RMND1: variants seen among roughly 807,000 people sequenced by gnomAD.
RMND1 encodes required for meiotic nuclear division protein 1 homolog.
In RMND1, 41 loss-of-function variants were observed where a neutral mutation model predicts 54.0. The observed-to-expected ratio is 0.76, with a 90% CI of 0.59 to 0.98. The LOEUF (loss-of-function observed/expected upper bound fraction) is 0.98, where lower values mean the gene tolerates loss of function less well. RMND1 is among the 50% of genes least tolerant of loss of function. RMND1 has a pLI of 0.00. For synonymous variants in RMND1, 183 were observed against 181.7 expected (o/e 1.01, Z -0.06); for missense variants, 457 against 532.0 (o/e 0.86, Z 1.39).
chr6:151,405,300 G>A (rs780818591), intron 11 of RMND1, 33 bp from the exon 12 acceptor site: 15 of 1,597,392 alleles, frequency 9.4e-6, no homozygotes, highest in Middle Eastern at 3.3e-4. Flanking sequence ...ATTTCATGAC[G>A]GGCAAATTAT....
chr6:151,429,276 C>T (rs893114556), intron 5 of RMND1, among the ~76,000 whole-genome samples: 27 of 152,164 alleles, frequency 1.8e-4, no homozygotes, highest in African/African-American at 5.3e-4. Context: ...TGTGCACCAC[C>T]ACGCCCAGCT....
intron 2 of RMND1, among the ~76,000 whole-genome samples, chr6:151,441,354 A>G (rs533631455): frequency 2.6e-5 from 4 of 152,132 alleles, no homozygotes; most frequent in African/African-American, 9.7e-5. Context: ...TCTAAGTGAC[A>G]GGGGCATTTT....
chr6:151,436,112 C>CAAAAAAA (rs67339992), intron 3 of RMND1: 1 of 172,490 alleles, frequency 5.8e-6, no homozygotes, highest in Non-Finnish European at 1.2e-5. Flanking sequence ...TCCCAAAAAA[C>CAAAAAAA]AAAAAAAAAA....
chr6:151,445,968 G>T lies in RMND1; in HGVS notation c.-14-143C>A, dbSNP rs1474811272. 11 of 771,816 alleles carry T rather than the reference G, an allele frequency of 1.4e-5. No homozygotes were observed. The East Asian group carries it at 2.7e-4, about 19-fold the overall frequency. The allele number at this position is 771,816 out of a possible 1,614,324, so 47.8% of individuals were successfully genotyped here. A position where few individuals can be genotyped will look rare whatever the true frequency, so the allele number is the denominator to read the frequency against. On this transcript the variant is annotated intron_variant, in intron 1 of 11. Transcript: ENST00000444024. ...AAGTTAATTCTAGTAAAAGAACAAGGTTAAAAATATAAGTACAGTGTTTCT... is the reference window on the plus strand; with the variant it reads ...AAGTTAATTCTAGTAAAAGAACAAGTTTAAAAATATAAGTACAGTGTTTCT...
chr6:151,425,946 CTTT>C (rs67910450), intron 6 of RMND1, among the ~76,000 whole-genome samples: 5 of 137,674 alleles, frequency 3.6e-5, no homozygotes, highest in Non-Finnish European at 4.6e-5. Context: ...GCTTTTAACG[CTTT>C]TTTTTTTTTT....
intron 8 of RMND1, among the ~76,000 whole-genome samples, chr6:151,422,003 GT>G (rs923649441): frequency 2.6e-5 from 4 of 151,870 alleles, no homozygotes; most frequent in African/African-American, 7.3e-5. Context: ...ACAATTTGAA[GT>G]TTTAAAAAGT....
chr6:151,448,688 T>C (rs1232107483), intron 1 of RMND1, among the ~76,000 whole-genome samples: 1 of 152,194 alleles, frequency 6.6e-6, no homozygotes, highest in African/African-American at 2.4e-5. Flanking sequence ...CCTGATTCTG[T>C]TTTGGGCCCC....
chr6:151,420,313 T>C (rs563905830), intron 9 of RMND1, among the ~76,000 whole-genome samples: 1 of 152,326 alleles, frequency 6.6e-6, no homozygotes, highest in South Asian at 2.1e-4. Context: ...CTATAGGTCC[T>C]GAGCTATGAG....
chr6:151,412,902 TC>T (rs1447998310), intron 10 of RMND1, among the ~76,000 whole-genome samples: 1 of 152,088 alleles, frequency 6.6e-6, no homozygotes, highest in Non-Finnish European at 1.5e-5. Flanking sequence ...ACCCTGATGA[TC>T]CAGTCACCCC....
intron 2 of RMND1, 56 bp downstream of exon 2, chr6:151,445,252 G>A: frequency 6.5e-7 from 1 of 1,544,762 alleles, no homozygotes; most frequent in Non-Finnish European, 8.7e-7. Context: ...AACGCACACT[G>A]GTTTAGCATG....
rs1780669591 is a variant in RMND1 at position 151,438,256 on chromosome 6, G to A, written c.505-1702C>T. Among the ~76,000 whole-genome samples the A allele has an allele frequency of 2.0e-5, 3 of 152,194 alleles. No individual in the cohort carries two copies. In the South Asian group the frequency reaches 6.2e-4, roughly 32 times the overall value. On this transcript the variant is annotated intron_variant, in intron 2 of 11. Transcript: ENST00000444024. ...GGAATCCTAGCAAGGGGCATCAGGC[G>A]AGACATCGGGTAGGCTCCACTCTGC...
intron 5 of RMND1, among the ~76,000 whole-genome samples, chr6:151,429,121 C>T (rs548991507): frequency 1.3e-5 from 2 of 148,350 alleles, no homozygotes; most frequent in Admixed American, 6.7e-5. Context: ...TTTTGTAACC[C>T]GCTTTTTTTT....
chr6:151,449,805 C>A (rs1041663300), intron 1 of RMND1, among the ~76,000 whole-genome samples: 1 of 152,242 alleles, frequency 6.6e-6, no homozygotes, highest in Non-Finnish European at 1.5e-5. Flanking sequence ...CATGCCGCCA[C>A]GCCTGACTGG....
chr6:151,438,808 T>TC (rs1412277949), intron 2 of RMND1, among the ~76,000 whole-genome samples: 3 of 149,080 alleles, frequency 2.0e-5, no homozygotes, highest in African/African-American at 4.9e-5. Flanking sequence ...TTTTTTTTTT[T>TC]TCCAAAAAAA....
chr6:151,436,288 A>G, intron 3 of RMND1, 158 bp downstream of exon 3: 2 of 732,800 alleles, frequency 2.7e-6, no homozygotes, highest in Non-Finnish European at 4.3e-6. Context: ...TTTAATTCTT[A>G]ACTTTGTCAT....
Position 151,408,161 on chromosome 6 carries a change from T to C in RMND1, c.1201-2325A>G, listed in dbSNP as rs550768788. 3.9e-5 allele frequency among the ~76,000 whole-genome samples: 6 copies of C among 151,942 alleles called. No individual in the cohort carries two copies. In the East Asian group the frequency reaches 1.2e-3, roughly 30 times the overall value. On this transcript the variant is annotated intron_variant, in intron 10 of 11. Transcript: ENST00000444024. Reference sequence around the variant, plus strand: ...CAGCATACAGACAAGCATAGCTAGATTGTGGACAACCTAGAAGAAAGTGCT... The same window carrying C: ...CAGCATACAGACAAGCATAGCTAGACTGTGGACAACCTAGAAGAAAGTGCT...
At chr6:151,449,696 CG>C (rs1226513171) in intron 1 of RMND1, among the ~76,000 whole-genome samples, 1 of 152,188 alleles carries the variant, frequency 6.6e-6, no homozygotes, top group Non-Finnish European at 1.5e-5. Flanking sequence ...CCTCTGATGC[CG>C]AGCCGAAGCT....
rs778315281 is a variant in RMND1, at chr6:151,445,296, C to T, written c.504+12G>A. On this transcript the variant is annotated intron_variant, in intron 2 of 11. Coordinates refer to ENST00000444024, the MANE Select transcript of RMND1 (RefSeq NM_017909.4). Reference sequence around the variant, plus strand: ...TCACTAAGCACGAGAGCCACGGCCACCCCTACTTTACCTCGTTCACAGACA... The same window carrying T: ...TCACTAAGCACGAGAGCCACGGCCATCCCTACTTTACCTCGTTCACAGACA... 20 of 1,596,912 alleles carry T rather than the reference C, an allele frequency of 1.3e-5. No individual in the cohort carries two copies. Among genetic ancestry groups the T allele is most frequent in the Admixed American group, 7.0e-5 (4 of 56,878 alleles).
Position 151,436,509 on chromosome 6 carries a change from G to A in RMND1, c.550C>T (p.Leu184=). 1 of 1,614,030 alleles carries A rather than the reference G, an allele frequency of 6.2e-7. No homozygotes were observed. The highest frequency in any genetic ancestry group is 8.5e-7 in the Non-Finnish European group (1 of 1,179,892). Residue 184 remains leucine, a synonymous_variant, in exon 3 of 12, where the codon CTG becomes TTG. Transcript: ENST00000444024. ...TAFATADEYH[L]GNLSQDLASH... is the part of the protein sequence containing the mutation. ...GCCAGATCTTGAGACAGATTTCCCA[G>A]ATGATACTCATCTGCCGTTGCAAAT...
Sources: allele counts gnomAD v4.1 joint callset (sites outside exome capture counted in the v4.1 genomes callset), GRCh38; gene constraint gnomAD v4.1.1; transcripts MANE v1.5; gene names NCBI Gene and HGNC (gene_info 2026-07-23, HGNC 2026-07-21).